PRKG1: variants seen among roughly 807,000 people sequenced by gnomAD.
The protein encoded by PRKG1 is cGMP-dependent protein kinase 1.
Under a neutral mutation model 88.1 loss-of-function variants are expected in PRKG1, and 35 were observed. The ratio of observed to expected loss-of-function variants is 0.40; its 90% CI spans 0.30 to 0.53. The LOEUF (loss-of-function observed/expected upper bound fraction) is 0.53. Ranked by LOEUF, PRKG1 falls within the 20% of genes least tolerant of loss-of-function variation. The pLI, the probability that PRKG1 is intolerant of heterozygous loss-of-function variation, is 0.59. For synonymous variants in PRKG1, 303 were observed against 292.5 expected, an observed-to-expected ratio of 1.04 and a Z score of -0.37; for missense variants, 540 against 839.8, an observed-to-expected ratio of 0.64 and a Z score of 4.41.
At chr10:52,290,105 T>G in intron 16 of PRKG1, 119 bp from the exon 17 acceptor site, 1 of 702,996 alleles carries the variant, frequency 1.4e-6, no homozygotes, top group Non-Finnish European at 2.4e-6. Context: ...AGAAAACATT[T>G]TTGTCACATG....
chr10:51,074,338 T>G, upstream of PRKG1: 1 of 813,158 alleles, frequency 1.2e-6, no homozygotes, highest in South Asian at 2.5e-5. Flanking sequence ...AATCCCGGGT[T>G]GGACCTGCTG....
intron 4 of PRKG1, among the ~76,000 whole-genome samples, chr10:51,826,875 T>G (rs971585723): frequency 1.3e-5 from 2 of 152,204 alleles, no homozygotes; most frequent in Non-Finnish European, 2.9e-5. Flanking sequence ...ATAATTTTAC[T>G]CTTGTTATTG....
chr10:51,997,941 TG>T (rs1240459987), intron 5 of PRKG1, among the ~76,000 whole-genome samples: 1 of 152,034 alleles, frequency 6.6e-6, no homozygotes, highest in African/African-American at 2.4e-5. Flanking sequence ...TGAATAGAGG[TG>T]GTGATAGCAA....
intron 10 of PRKG1, among the ~76,000 whole-genome samples, chr10:52,269,388 G>T (rs1841659453): frequency 6.6e-6 from 1 of 152,084 alleles, no homozygotes; most frequent in Non-Finnish European, 1.5e-5. Flanking sequence ...GTCTTTGGCT[G>T]TTAAAAGCAT....
chr10:51,772,292 G>A (rs189210732), intron 3 of PRKG1, among the ~76,000 whole-genome samples: 9 of 152,212 alleles, frequency 5.9e-5, no homozygotes, highest in Admixed American at 3.9e-4. Context: ...GAAGAAATAA[G>A]TGTGCAAAGG....
At chr10:51,475,646 A>G (rs1840168730) in intron 3 of PRKG1, among the ~76,000 whole-genome samples, 1 of 152,080 alleles carries the variant, frequency 6.6e-6, no homozygotes, top group East Asian at 1.9e-4. Context: ...TTTAAGGAGT[A>G]AAACACAGCC....
chr10:51,839,599 C>G (rs1840217496), intron 4 of PRKG1, among the ~76,000 whole-genome samples: 2 of 152,164 alleles, frequency 1.3e-5, no homozygotes, highest in African/African-American at 2.4e-5. Context: ...TATTGAAAAC[C>G]AGCCAGATAG....
intron 9 of PRKG1, among the ~76,000 whole-genome samples, chr10:52,238,598 A>G (rs1182962584): frequency 6.6e-6 from 1 of 150,844 alleles, no homozygotes; most frequent in Non-Finnish European, 1.5e-5. Context: ...CATCAGAGAA[A>G]TGCAAATCAA....
chr10:51,602,026 G>T (rs1838619899), intron 3 of PRKG1, among the ~76,000 whole-genome samples: 1 of 151,806 alleles, frequency 6.6e-6, no homozygotes. Flanking sequence ...GGCATTTCAT[G>T]TCTCATGTCT....
chr10:51,776,741 G>T (rs1838449008), intron 3 of PRKG1, among the ~76,000 whole-genome samples: 1 of 152,088 alleles, frequency 6.6e-6, no homozygotes, highest in Non-Finnish European at 1.5e-5. Context: ...CACGAGAATT[G>T]CTTGAACCCA....
At chr10:51,448,537 G>C (rs1047830821) in intron 2 of PRKG1, among the ~76,000 whole-genome samples, 2 of 152,012 alleles carry the variant, frequency 1.3e-5, no homozygotes, top group African/African-American at 4.8e-5. Context: ...AGCTGAAGAG[G>C]CTGATCCTTA....
chr10:51,264,178 A>G (rs959631114), intron 2 of PRKG1, among the ~76,000 whole-genome samples: 6 of 152,202 alleles, frequency 3.9e-5, no homozygotes, highest in African/African-American at 1.4e-4. Flanking sequence ...AAAAGAGTGA[A>G]CAGTAAATTG....
At chr10:51,197,136 C>A (rs780905731) in intron 2 of PRKG1, among the ~76,000 whole-genome samples, 5 of 151,852 alleles carry the variant, frequency 3.3e-5, no homozygotes, top group Non-Finnish European at 5.9e-5. Flanking sequence ...ATTATTAACA[C>A]CTGTGGAATG....
At position 52,179,676 on chromosome 10, in the gene PRKG1, TTTG is replaced by T. The variant is rs1589678054; in HGVS notation, c.1076+17723_1076+17725del. Among the ~76,000 whole-genome samples the T allele has an allele frequency of 2.6e-5, 4 of 152,232 alleles. No homozygotes were observed. In the East Asian group the frequency reaches 7.7e-4, roughly 29 times the overall value. ...TCAGCTATTATTTTATTAGATACAC[TTTG>T]TTGTTGTTGCTGCTGTTGTTTTTGT... On this transcript the variant is annotated intron_variant, in intron 9 of 17. Coordinates refer to ENST00000373980, the MANE Select transcript of PRKG1 (RefSeq NM_006258.4).
chr10:51,079,279 G>A (rs1367273723), intron 1 of PRKG1, among the ~76,000 whole-genome samples: 1 of 152,146 alleles, frequency 6.6e-6, no homozygotes, highest in Non-Finnish European at 1.5e-5. Context: ...AAAGTAGATA[G>A]AGTAAGGTAA....
At chr10:51,083,739 G>A (rs189743190) in intron 1 of PRKG1, among the ~76,000 whole-genome samples, 2 of 152,242 alleles carry the variant, frequency 1.3e-5, no homozygotes, top group East Asian at 3.9e-4. Flanking sequence ...TGTCCCTCAT[G>A]AAGACTTCCA....
chr10:51,346,565 G>A (rs1350459212), intron 2 of PRKG1, among the ~76,000 whole-genome samples: 1 of 152,140 alleles, frequency 6.6e-6, no homozygotes, highest in Non-Finnish European at 1.5e-5. Flanking sequence ...TAAAATCACT[G>A]ATTTGAGGGC....
At chr10:51,970,452 T>C (rs1843681665) in intron 5 of PRKG1, among the ~76,000 whole-genome samples, 1 of 151,544 alleles carries the variant, frequency 6.6e-6, no homozygotes, top group Non-Finnish European at 1.5e-5. Context: ...ATAAAATAGG[T>C]TGATGCAATC....
intron 3 of PRKG1, among the ~76,000 whole-genome samples, chr10:51,735,115 A>G (rs1015374955): frequency 6.6e-6 from 1 of 152,206 alleles, no homozygotes; most frequent in African/African-American, 2.4e-5. Flanking sequence ...CCTAGAAGAC[A>G]TCTGTTAGGG....
Sources: allele counts gnomAD v4.1 joint callset (sites outside exome capture counted in the v4.1 genomes callset), GRCh38; gene constraint gnomAD v4.1.1; transcripts MANE v1.5; gene names NCBI Gene and HGNC (gene_info 2026-07-23, HGNC 2026-07-21).